Variants in OR10G3 observed in about 807,000 individuals in gnomAD.
The protein encoded by OR10G3 is olfactory receptor family 10 subfamily G member 3.
OR10G3 carries 8 observed loss-of-function variants against 13.4 expected under a neutral mutation model. That is an observed-to-expected ratio of 0.60 (90% CI 0.35 to 1.08). The LOEUF (loss-of-function observed/expected upper bound fraction) is 1.08. OR10G3 is among the 50% of genes least tolerant of loss of function. The probability of loss-of-function intolerance (pLI) is 0.02; values close to 1 mark genes in which losing one functional copy is unlikely to be tolerated. For missense variants in OR10G3, 393 were observed against 386.6 expected, an observed-to-expected ratio of 1.02 and a Z score of -0.14; for synonymous variants, 142 against 156.1, an observed-to-expected ratio of 0.91 and a Z score of 0.67.
intron 1 of OR10G3, among the ~76,000 whole-genome samples, chr14:21,578,906 A>G (rs1297570528): frequency 6.6e-6 from 1 of 152,234 alleles, no homozygotes; most frequent in Non-Finnish European, 1.5e-5. Context: ...AATTTCTATT[A>G]AAATGTAAAA....
chr14:21,573,174 T>A (rs1288797199), intron 1 of OR10G3, among the ~76,000 whole-genome samples: 1 of 152,054 alleles, frequency 6.6e-6, no homozygotes, highest in East Asian at 1.9e-4. Flanking sequence ...AAGAAGGAAA[T>A]CCTGTCATTT....
In OR10G3 at chr14:21,569,947, G is replaced by T. The variant is rs748637393; in HGVS notation, c.798C>A (p.Asn266Lys). 6.2e-7 allele frequency: 1 copy of T among 1,612,622 alleles called. No individual in the cohort carries two copies. The highest frequency in any genetic ancestry group is 1.1e-5 in the South Asian group (1 of 90,940). Residue 266 changes from asparagine (N) to lysine (K), a missense_variant, in exon 2 of 2, where the codon AAC (asparagine) becomes AAA (lysine). Coordinates refer to ENST00000641040, the MANE Select transcript of OR10G3 (RefSeq NM_001005465.2). ...CAFIYLRPETNSPLDGAAALV... is the reference protein window; with the variant it reads ...CAFIYLRPETKSPLDGAAALV... ...GGGCAGCTGCCCCATCCAGGGGGCT[G>T]TTGGTTTCAGGCCTCAGGTAGATGA...
chr14:21,577,152 T>C (rs1262560188), intron 1 of OR10G3, among the ~76,000 whole-genome samples: 1 of 151,892 alleles, frequency 6.6e-6, no homozygotes, highest in African/African-American at 2.4e-5. Flanking sequence ...CATGTGGTTC[T>C]GAGACACTTT....
chr14:21,572,442 C>T (rs989528577), intron 1 of OR10G3, among the ~76,000 whole-genome samples: 23 of 150,070 alleles, frequency 1.5e-4, no homozygotes, highest in Admixed American at 1.4e-3. Context: ...ACTAAAAATA[C>T]AAAAATTAGC....
rs539359441 is a variant in OR10G3 at position 21,570,406 on chromosome 14, G to T, written c.339C>A (p.Cys113Ter). Residue 113 changes from cysteine to a stop codon, truncating the protein, a stop_gained, in exon 2 of 2, where the codon TGC becomes TGA. Transcript: ENST00000641040. LOFTEE classifies it high-confidence loss of function. ...YFYHFLGSTQCFLYTLMAYDR... is the reference protein window; with the variant it reads ...YFYHFLGSTQ The stretch of plus-strand genomic sequence containing the variant: ...CATAGGCCATTAGGGTGTAGAGGAA[G>T]CACTGGGTGCTGCCCAGGAAGTGAT... 5 of 1,614,188 alleles carry T rather than the reference G, an allele frequency of 3.1e-6. No homozygotes were observed. In the Admixed American group the frequency reaches 8.3e-5, roughly 27 times the overall value.
chr14:21,574,250 C>T (rs1444760080), intron 1 of OR10G3, among the ~76,000 whole-genome samples: 5 of 135,294 alleles, frequency 3.7e-5, no homozygotes, highest in South Asian at 2.3e-4. Context: ...TTCCAGTGAG[C>T]GGAGATTGAG....
At chr14:21,576,601 A>G (rs1893131571) in intron 1 of OR10G3, among the ~76,000 whole-genome samples, 1 of 152,128 alleles carries the variant, frequency 6.6e-6, no homozygotes, top group African/African-American at 2.4e-5. Flanking sequence ...TGCCTTTGTT[A>G]TTTCCATTGG....
intron 1 of OR10G3, among the ~76,000 whole-genome samples, chr14:21,571,510 G>A (rs1222848124): frequency 6.6e-6 from 1 of 152,182 alleles, no homozygotes; most frequent in East Asian, 1.9e-4. Flanking sequence ...TTAAGACACA[G>A]TAAAGAGAGG....
chr14:21,575,776 T>TA (rs145057441), intron 1 of OR10G3, among the ~76,000 whole-genome samples: 16,949 of 151,972 alleles, frequency 0.11, 1,112 homozygotes, highest in Middle Eastern at 0.18. Flanking sequence ...TTATGAAACT[T>TA]AAAAAAAAGG....
intron 1 of OR10G3, among the ~76,000 whole-genome samples, chr14:21,577,308 T>G (rs1442046357): frequency 2.0e-5 from 3 of 152,068 alleles, no homozygotes; most frequent in Non-Finnish European, 4.4e-5. Flanking sequence ...TGATAAAAAG[T>G]CATAGAATAA....
chr14:21,577,306 A>G (rs905088256), intron 1 of OR10G3, among the ~76,000 whole-genome samples: 1 of 152,212 alleles, frequency 6.6e-6, no homozygotes, highest in Non-Finnish European at 1.5e-5. Context: ...AGTGATAAAA[A>G]GTCATAGAAT....
Position 21,570,741 on chromosome 14 carries a change from C to G in OR10G3, c.4G>C (p.Glu2Gln), listed in dbSNP as rs1291104686. 3.8e-6 allele frequency: 6 copies of G among 1,570,946 alleles called. No homozygotes were observed. The highest frequency in any genetic ancestry group is 4.3e-6 in the Non-Finnish European group (5 of 1,165,594). The change falls in exon 2 of 2, where the codon GAA (glutamate) becomes CAA (glutamine). Residue 2 changes from glutamate (E) to glutamine (Q), a missense_variant. Glu to Gln is a conservative substitution (Grantham distance 29). Transcript: ENST00000641040. M[E>Q]RINSTLLTAF... is the part of the protein sequence containing the mutation. ...GTCAACAGTGTGCTGTTGATTCTTT[C>G]CATATCCCAGAGAATCTTACCTAGA...
rs1403292641 is a variant in OR10G3 at position 21,569,586 on chromosome 14, T to G, written c.*217A>C. The stretch of plus-strand genomic sequence containing the variant: ...TTTAATGTGGTTTAGTTTGTGAGAA[T>G]TTGGTCTCATTCTCTACTCTTGCAG... On this transcript the variant is annotated 3_prime_UTR_variant, in exon 2 of 2. Transcript: ENST00000641040. 1.9e-6 allele frequency: 1 copy of G among 516,608 alleles called. No individual in the cohort carries two copies. The highest frequency in any genetic ancestry group is 1.9e-5 in the African/African-American group (1 of 51,308). 32.0% of individuals were successfully genotyped at this position (516,608 alleles called of 1,614,324 possible).
intron 1 of OR10G3, among the ~76,000 whole-genome samples, chr14:21,572,808 C>T (rs1419730250): frequency 6.6e-6 from 1 of 152,020 alleles, no homozygotes; most frequent in Non-Finnish European, 1.5e-5. Context: ...ATGCCAGTGC[C>T]ATGCTGTTTT....
intron 1 of OR10G3, 29 bp from the exon 2 acceptor site, chr14:21,570,790 A>C (rs772479795): frequency 1.5e-6 from 2 of 1,313,564 alleles, no homozygotes; most frequent in Non-Finnish European, 2.1e-6. Context: ...AAGAATTAAC[A>C]TAGAGGTGAG....
rs758254909 is a variant in OR10G3 at position 21,570,497 on chromosome 14, A to G, written c.248T>C (p.Met83Thr). ...SISSIIVPRL[M>T]MNFTLGVKPI... ...TTTGACACCTAAAGTGAAGTTCATC[A>G]TGAGGCGAGGGACAATGATGGAGGA... Residue 83 changes from methionine (M) to threonine (T), a missense_variant, in exon 2 of 2, where the codon ATG (methionine) becomes ACG (threonine). Met to Thr is a moderately conservative substitution (Grantham distance 81, BLOSUM62 -1). Transcript: ENST00000641040. 12 of 1,614,236 alleles carry G rather than the reference A, an allele frequency of 7.4e-6. 1 individual carries two copies. In the Admixed American group the frequency reaches 2.0e-4, roughly 27 times the overall value.
rs369685263 is a variant in OR10G3 at position 21,570,502 on chromosome 14, G to A, written c.243C>T (p.Arg81=). The stretch of plus-strand genomic sequence containing the variant: ...CACCTAAAGTGAAGTTCATCATGAG[G>A]CGAGGGACAATGATGGAGGAGATGC... ...DMSISSIIVP[R]LMMNFTLGVK... is the part of the protein sequence containing the mutation. Residue 81 remains arginine (R), a synonymous_variant, in exon 2 of 2, where the codon CGC becomes CGT. Transcript: ENST00000641040. 2 of 1,614,176 alleles carry A rather than the reference G, an allele frequency of 1.2e-6. No homozygotes were observed. The highest frequency in any genetic ancestry group is 1.7e-6 in the Non-Finnish European group (2 of 1,180,016).
rs568846340 is a variant in OR10G3, at chr14:21,575,387, C to CTT, written c.-18+4397_-18+4398dup. 6.0e-5 allele frequency among the ~76,000 whole-genome samples: 7 copies of CTT among 116,212 alleles called. No individual in the cohort carries two copies. The South Asian group carries it at 1.1e-3, about 18-fold the overall frequency. The allele number at this position is 116,212 out of a possible 152,430, so 76.2% of individuals were successfully genotyped here. A position where few individuals can be genotyped will look rare whatever the true frequency, so the allele number is the denominator to read the frequency against. On this transcript the variant is annotated intron_variant, in intron 1 of 1. Transcript: ENST00000641040. ...TGAGCCACTGTGCCTGGCCTCAAGT[C>CTT]TTTTTTTTTTTGAGATGGAGTCTTG...
rs1326471778 is a variant in OR10G3 at position 21,569,985 on chromosome 14, C to T, written c.760G>A (p.Val254Met). The T allele has an allele frequency of 2.5e-6, 4 of 1,613,648 alleles. No individual in the cohort carries two copies. Among genetic ancestry groups the T allele is most frequent in the Non-Finnish European group, 2.5e-6 (3 of 1,179,750 alleles). Reference sequence around the variant, plus strand: ...CTCAGGTAGATGAAGGCACAGGGCACATAGTACACGGTGACCACGGTTACA... The same window carrying T: ...CTCAGGTAGATGAAGGCACAGGGCATATAGTACACGGTGACCACGGTTACA... ...AHVTVVTVYY[V>M]PCAFIYLRPE... Residue 254 changes from valine to methionine, a missense_variant, in exon 2 of 2, where the codon GTG becomes ATG. By Grantham distance (21) the Val-to-Met change is conservative. Coordinates refer to ENST00000641040, the MANE Select transcript of OR10G3 (RefSeq NM_001005465.2).
Sources: gnomAD v4.1 joint callset for allele counts (sites outside exome capture counted in the v4.1 genomes callset) on GRCh38, gnomAD v4.1.1 for gene constraint, MANE v1.5 for transcripts, NCBI Gene and HGNC (gene_info 2026-07-23, HGNC 2026-07-21) for gene names.